The following GRK5 variants were observed in gnomAD, a reference collection of about 807,000 sequenced individuals.
GRK5 encodes the protein G protein-coupled receptor kinase 5, also known as g protein-coupled receptor kinase GRK5.
A neutral mutation model predicts 78.4 loss-of-function variants in GRK5; 40 were observed. That is an observed-to-expected ratio of 0.51 (90% confidence interval 0.40 to 0.66). The LOEUF (loss-of-function observed/expected upper bound fraction) is 0.66, where lower values mean the gene tolerates loss of function less well. GRK5 is among the 30% of genes least tolerant of loss of function. The probability of loss-of-function intolerance (pLI) is 0.00; values close to 1 mark genes in which losing one functional copy is unlikely to be tolerated. For synonymous variants in GRK5, 289 were observed against 296.8 expected (o/e 0.97, Z 0.27); for missense variants, 598 against 759.9 (o/e 0.79, Z 2.50).
intron 1 of GRK5, among the ~76,000 whole-genome samples, chr10:119,266,013 C>T (rs1447440491): frequency 6.6e-6 from 1 of 152,208 alleles, no homozygotes; most frequent in East Asian, 1.9e-4. Context: ...CCCATCCCTT[C>T]AGCTGAACCT....
chr10:119,312,736 G>A (rs1443514050), intron 1 of GRK5, among the ~76,000 whole-genome samples: 2 of 152,164 alleles, frequency 1.3e-5, no homozygotes, highest in South Asian at 2.1e-4. Flanking sequence ...TGGCAATGTC[G>A]GGACAGACGC....
At chr10:119,394,204 A>ATCCATGTG (rs1335230402) in intron 3 of GRK5, among the ~76,000 whole-genome samples, 11 of 19,210 alleles carry the variant, frequency 5.7e-4, no homozygotes, top group East Asian at 7.7e-4. Flanking sequence ...GGGGGTGTGT[A>ATCCATGTG]TCTGTGTGTG....
At chr10:119,354,855 G>C (rs928076746) in intron 2 of GRK5, among the ~76,000 whole-genome samples, 3 of 152,100 alleles carry the variant, frequency 2.0e-5, no homozygotes, top group Non-Finnish European at 2.9e-5. Context: ...TATTGGAAAG[G>C]CTGACTTTTC....
intron 1 of GRK5, among the ~76,000 whole-genome samples, chr10:119,293,153 A>G (rs1467660492): frequency 6.6e-6 from 1 of 152,160 alleles, no homozygotes; most frequent in East Asian, 1.9e-4. Flanking sequence ...GAAGTGGCTT[A>G]CTCTCTTTGA....
intron 9 of GRK5, among the ~76,000 whole-genome samples, chr10:119,437,656 C>T (rs1035042910): frequency 1.3e-5 from 2 of 152,128 alleles, no homozygotes; most frequent in Non-Finnish European, 1.5e-5. Context: ...CTATCATTTC[C>T]TTCACTCTCT....
intron 4 of GRK5, among the ~76,000 whole-genome samples, chr10:119,408,462 C>T (rs912327560): frequency 6.6e-5 from 10 of 151,694 alleles, no homozygotes; most frequent in African/African-American, 2.2e-4. Flanking sequence ...TATCCATCAA[C>T]GGATGAATGG....
At position 119,336,334 on chromosome 10, in the gene GRK5, T is replaced by G. The variant is rs141548120; in HGVS notation, c.148+9723T>G. On this transcript the variant is annotated intron_variant, in intron 2 of 15. Coordinates refer to ENST00000392870, the MANE Select transcript of GRK5 (RefSeq NM_005308.3). The surrounding 1 kb of genome is among the most constrained non-coding windows in gnomAD (Gnocchi z 4.5). ...CCCTGCTCTGGCCCAGTGTGTTTCC[T>G]TGAAAGGACGTGTGTCATCTAGAAG... 6.6e-6 allele frequency among the ~76,000 whole-genome samples: 1 copy of G among 152,114 alleles called. No individual in the cohort carries two copies. Among genetic ancestry groups the G allele is most frequent in the Non-Finnish European group, 1.5e-5 (1 of 68,018 alleles).
chr10:119,320,135 G>C (rs767532477), intron 1 of GRK5, among the ~76,000 whole-genome samples: 1 of 152,216 alleles, frequency 6.6e-6, no homozygotes, highest in Non-Finnish European at 1.5e-5. Flanking sequence ...GGGTCGGAGT[G>C]GGGGAACAAT....
chr10:119,427,787 T>A (rs897375913), intron 6 of GRK5, among the ~76,000 whole-genome samples: 3 of 150,290 alleles, frequency 2.0e-5, no homozygotes, highest in Non-Finnish European at 4.4e-5. Context: ...ACCACCATCA[T>A]CAGCATCACC....
At chr10:119,313,035 GTGATGGTGGTGGTGGTAA>G (rs1450834174) in intron 1 of GRK5, among the ~76,000 whole-genome samples, 1 of 114,260 alleles carries the variant, frequency 8.8e-6, no homozygotes, top group Non-Finnish European at 2.2e-5. Context: ...AATGGCAGTG[GTGATGGTGGTGGTGGTAA>G]TGATGATGGT....
chr10:119,223,137 G>A (rs998517636), intron 1 of GRK5, among the ~76,000 whole-genome samples: 23 of 152,168 alleles, frequency 1.5e-4, no homozygotes, highest in African/African-American at 4.1e-4. Flanking sequence ...GGGAAGACCC[G>A]TTCCAGGCCT....
At chr10:119,387,271 T>G (rs957827339) in intron 3 of GRK5, among the ~76,000 whole-genome samples, 9 of 152,206 alleles carry the variant, frequency 5.9e-5, no homozygotes, top group African/African-American at 2.2e-4. Context: ...CTCAAAGTGC[T>G]GGGATTACAG....
At chr10:119,333,666 G>A in intron 2 of GRK5, 1 of 451,296 alleles carries the variant, frequency 2.2e-6, no homozygotes. Flanking sequence ...GCTCAAAGGG[G>A]TGGACGTTTC....
chr10:119,311,914 ATTTTTTTT>A (rs1554905357), intron 1 of GRK5, among the ~76,000 whole-genome samples: 1 of 137,814 alleles, frequency 7.3e-6, no homozygotes, highest in African/African-American at 2.7e-5. Flanking sequence ...TGAATTGTTC[ATTTTTTTT>A]TTTTTTTTTT....
At chr10:119,410,253 T>C (rs964249218) in intron 4 of GRK5, among the ~76,000 whole-genome samples, 3 of 152,198 alleles carry the variant, frequency 2.0e-5, no homozygotes, top group Non-Finnish European at 4.4e-5. Context: ...TTTCCTTTCC[T>C]TCTCATTAAA....
At position 119,261,706 on chromosome 10, in the gene GRK5, G is replaced by A. The variant is rs542611618; in HGVS notation, c.52+53737G>A. ...GCGGTTAGGAGCTGGAGACCAGCCC[G>A]GCCAACACAGCGAAACCCCGTCTCC... is the stretch of plus-strand genomic sequence containing the variant. On this transcript the variant is annotated intron_variant, in intron 1 of 15. Transcript: ENST00000392870. Among the ~76,000 whole-genome samples, 25 of 152,206 alleles carry A rather than the reference G, an allele frequency of 1.6e-4. No individual in the cohort carries two copies. The South Asian group carries it at 3.9e-3, about 24-fold the overall frequency.
chr10:119,263,554 A>G (rs747615159), intron 1 of GRK5, among the ~76,000 whole-genome samples: 3 of 152,168 alleles, frequency 2.0e-5, no homozygotes, highest in Non-Finnish European at 2.9e-5. Flanking sequence ...TGGACAAGGA[A>G]GAAGTTAAGT....
At chr10:119,307,596 G>A (rs1273941788) in intron 1 of GRK5, among the ~76,000 whole-genome samples, 1 of 152,140 alleles carries the variant, frequency 6.6e-6, no homozygotes, top group South Asian at 2.1e-4. Flanking sequence ...TCTCCAGAAG[G>A]CACACTGCCC....
chr10:119,382,308 C>T (rs114560292), intron 3 of GRK5, among the ~76,000 whole-genome samples: 4,226 of 152,074 alleles, frequency 0.028, 173 homozygotes, highest in African/African-American at 0.088. Flanking sequence ...TCAATCTTAG[C>T]TGGGCGTTAG....
Sources: allele counts gnomAD v4.1 joint callset (sites outside exome capture counted in the v4.1 genomes callset), GRCh38; gene constraint gnomAD v4.1.1; non-coding constraint Gnocchi (gnomAD v3.1); transcripts MANE v1.5; gene names NCBI Gene and HGNC (gene_info 2026-07-23, HGNC 2026-07-21).